Variants in UNC5C observed in about 807,000 individuals in gnomAD.
The protein encoded by UNC5C is netrin receptor UNC5C.
Under a neutral mutation model 99.8 loss-of-function variants are expected in UNC5C, and 47 were observed. The ratio of observed to expected loss-of-function variants is 0.47; its 90% CI spans 0.37 to 0.60. The LOEUF is 0.60. Among genes scored for constraint, UNC5C ranks in the 20% least tolerant of loss-of-function variants. The pLI, the probability that UNC5C is intolerant of heterozygous loss-of-function variation, is 0.00. For missense variants in UNC5C, 1,062 were observed against 1,165.9 expected, an observed-to-expected ratio of 0.91 and a Z score of 1.30; for synonymous variants, 487 against 452.2, an observed-to-expected ratio of 1.08 and a Z score of -0.98.
Position 95,209,121 on chromosome 4 carries a change from A to G in UNC5C, c.1734-2325T>C, listed in dbSNP as rs1462028337. 2.0e-5 allele frequency among the ~76,000 whole-genome samples: 3 copies of G among 152,214 alleles called. No homozygotes were observed. The East Asian group carries it at 5.8e-4, about 29-fold the overall frequency. On this transcript the variant is annotated intron_variant, in intron 10 of 15. Transcript: ENST00000453304. ...CTAAGCTCATAGATCCTTTTCTGGA[A>G]TGCAACCATTGAGTGTGTAGACTTC...
At chr4:95,548,138 G>A (rs1723123971) in intron 1 of UNC5C, among the ~76,000 whole-genome samples, 1 of 151,660 alleles carries the variant, frequency 6.6e-6, no homozygotes, top group Non-Finnish European at 1.5e-5. Context: ...CCGGGTACGC[G>A]GATTCGGGTG....
At chr4:95,531,525 G>C (rs545594326) in intron 1 of UNC5C, among the ~76,000 whole-genome samples, 1 of 152,114 alleles carries the variant, frequency 6.6e-6, no homozygotes, top group African/African-American at 2.4e-5. Flanking sequence ...AACATATTTT[G>C]GTTACCTTAA....
At chr4:95,515,875 T>G (rs925100752) in intron 1 of UNC5C, among the ~76,000 whole-genome samples, 1 of 152,202 alleles carries the variant, frequency 6.6e-6, no homozygotes, top group Non-Finnish European at 1.5e-5. Context: ...GTCTAAACAG[T>G]GTATATAGAT....
chr4:95,499,319 C>T (rs752332528), intron 1 of UNC5C, among the ~76,000 whole-genome samples: 48 of 152,098 alleles, frequency 3.2e-4, no homozygotes, highest in South Asian at 6.2e-4. Context: ...CACTCAGCCC[C>T]TGCCCTGTCT....
intron 4 of UNC5C, among the ~76,000 whole-genome samples, chr4:95,277,315 T>G (rs562972885): frequency 6.6e-6 from 1 of 152,312 alleles, no homozygotes; most frequent in South Asian, 2.1e-4. Context: ...TCAGTGTAGT[T>G]TGGAGGCCAA....
intron 3 of UNC5C, among the ~76,000 whole-genome samples, chr4:95,285,046 C>T (rs1018209248): frequency 3.9e-5 from 6 of 152,198 alleles, no homozygotes; most frequent in African/African-American, 1.2e-4. Flanking sequence ...GTTAGCTAAG[C>T]AGGCAGGTTG....
At chr4:95,422,374 CA>C (rs770002213) in intron 1 of UNC5C, among the ~76,000 whole-genome samples, 1 of 152,136 alleles carries the variant, frequency 6.6e-6, no homozygotes, top group African/African-American at 2.4e-5. Flanking sequence ...TTAATTTAAT[CA>C]AAAACCTTAA....
chr4:95,472,952 T>C (rs926339673), intron 1 of UNC5C, among the ~76,000 whole-genome samples: 26 of 152,128 alleles, frequency 1.7e-4, no homozygotes, highest in African/African-American at 5.5e-4. Flanking sequence ...GTCGTTTATT[T>C]GTAGCAAATT....
rs967788461 is a variant in UNC5C, at chr4:95,163,612, A to G, written c.*5622T>C. ...GACACACAATTTAGACATATTTGTA[A>G]AAGACCCTTAAATGGTATGACTTGC... On this transcript the variant is annotated 3_prime_UTR_variant, in exon 16 of 16. Coordinates refer to ENST00000453304, the MANE Select transcript of UNC5C (RefSeq NM_003728.4). 4 of 152,246 alleles carry G rather than the reference A, an allele frequency of 2.6e-5. No homozygotes were observed. The highest frequency in any genetic ancestry group is 4.8e-5 in the African/African-American group (2 of 41,464). The allele number at this position is 152,246 out of a possible 1,614,324, so 9.4% of individuals were successfully genotyped here.
intron 7 of UNC5C, among the ~76,000 whole-genome samples, chr4:95,233,486 A>G (rs1738986829): frequency 6.6e-6 from 1 of 152,160 alleles, no homozygotes; most frequent in Non-Finnish European, 1.5e-5. Context: ...AATCTACTGT[A>G]TTGATAAATA....
chr4:95,346,553 A>C lies in UNC5C; in HGVS notation c.125-10922T>G, dbSNP rs550384313. On this transcript the variant is annotated intron_variant, in intron 1 of 15. Transcript: ENST00000453304. ...CATCAACAAACTAGTAGCAAACTGA[A>C]TTTAACAACACATTAAAAAGATAAT... Among the ~76,000 whole-genome samples the C allele has an allele frequency of 9.0e-4, 137 of 152,148 alleles. 1 individual carries two copies. Among genetic ancestry groups the C allele is most frequent in the African/African-American group, 3.2e-3 (131 of 41,572 alleles).
intron 1 of UNC5C, among the ~76,000 whole-genome samples, chr4:95,352,621 A>T (rs182720849): frequency 6.6e-6 from 1 of 152,182 alleles, no homozygotes; most frequent in African/African-American, 2.4e-5. Context: ...TCCTTCTAAA[A>T]CTACCTTCCC....
intron 2 of UNC5C, among the ~76,000 whole-genome samples, chr4:95,311,666 T>C (rs1192743351): frequency 6.6e-6 from 1 of 152,212 alleles, no homozygotes; most frequent in Non-Finnish European, 1.5e-5. Context: ...TCTTGTCCAG[T>C]CATTCATTCA....
intron 4 of UNC5C, among the ~76,000 whole-genome samples, chr4:95,267,062 A>G (rs1740474358): frequency 1.3e-5 from 2 of 152,226 alleles, no homozygotes; most frequent in African/African-American, 4.8e-5. Flanking sequence ...TATTTTCCAA[A>G]CAATACTTAT....
chr4:95,198,933 C>T (rs547924446), intron 12 of UNC5C, among the ~76,000 whole-genome samples: 38 of 152,116 alleles, frequency 2.5e-4, no homozygotes, highest in Non-Finnish European at 4.9e-4. Context: ...TTTGGTGGCA[C>T]AATAGAATAA....
intron 1 of UNC5C, among the ~76,000 whole-genome samples, chr4:95,355,292 T>A (rs1467781079): frequency 6.6e-6 from 1 of 152,158 alleles, no homozygotes; most frequent in Non-Finnish European, 1.5e-5. Context: ...AGATAAGATA[T>A]CCACATATAA....
chr4:95,301,857 C>T, intron 2 of UNC5C, 108 bp from the exon 3 acceptor site: 2 of 1,359,792 alleles, frequency 1.5e-6, no homozygotes, highest in Non-Finnish European at 2.0e-6. Context: ...TGCCATAGAT[C>T]AACAACCCAG....
intron 1 of UNC5C, among the ~76,000 whole-genome samples, chr4:95,395,735 T>C (rs934621401): frequency 6.6e-6 from 1 of 152,204 alleles, no homozygotes; most frequent in Admixed American, 6.5e-5. Flanking sequence ...ATCCACTATT[T>C]CTTCAGCAGA....
chr4:95,178,481 T>TATCA (rs372418025), intron 14 of UNC5C, among the ~76,000 whole-genome samples: 1,936 of 152,240 alleles, frequency 0.013, 17 homozygotes, highest in Admixed American at 0.024. Context: ...GGTGAGAGTA[T>TATCA]ATCAATCAAT....
Sources: allele counts gnomAD v4.1 joint callset (sites outside exome capture counted in the v4.1 genomes callset), GRCh38; gene constraint gnomAD v4.1.1; transcripts MANE v1.5; gene names NCBI Gene and HGNC (gene_info 2026-07-23, HGNC 2026-07-21).